Variants in PAGR1 observed in about 807,000 individuals in gnomAD.
PAGR1 encodes PAXIP1 associated glutamate rich protein 1, also known as PAXIP1-associated glutamate-rich protein 1.
In PAGR1, 20 loss-of-function variants were observed where a neutral mutation model predicts 22.4. That is an observed-to-expected ratio of 0.89 (90% CI 0.63 to 1.30). The LOEUF is 1.30. PAGR1 is among the 50% of genes most tolerant of loss of function. The probability of loss-of-function intolerance (pLI) is 0.00; values close to 1 mark genes in which losing one functional copy is unlikely to be tolerated. For synonymous variants in PAGR1, 161 were observed against 148.3 expected (o/e 1.09, Z -0.62); for missense variants, 338 against 343.6 (o/e 0.98, Z 0.13).
Position 29,816,229 on chromosome 16 carries a change from A to T in PAGR1, c.-297A>T. The T allele has an allele frequency of 5.0e-6, 2 of 401,068 alleles. No individual in the cohort carries two copies. The highest frequency in any genetic ancestry group is 4.4e-6 in the Non-Finnish European group (1 of 226,940). 24.8% of individuals were successfully genotyped at this position (401,068 alleles called of 1,614,324 possible). On this transcript the variant is annotated 5_prime_UTR_variant, in exon 1 of 3. Transcript: ENST00000320330. ...GAAGGCGCCGTGTCCGGGTGTGGAG[A>T]GGGGCGTCGTGGAAGCGAGAAGAGT...
chr16:29,820,015 AGAGAGT>A lies in PAGR1; in HGVS notation c.*263_*268del, dbSNP rs1333369891. 1 of 453,702 alleles carries A rather than the reference AGAGAGT, an allele frequency of 2.2e-6. No homozygotes were observed. The highest frequency in any genetic ancestry group is 2.0e-5 in the African/African-American group (1 of 50,454). The allele number at this position is 453,702 out of a possible 1,614,324, so 28.1% of individuals were successfully genotyped here. ...TGTTTTCTATTGAACATCTATATAG[AGAGAGT>A]GTGTGAGTGTGTGTTTTCTATTGAA... On this transcript the variant is annotated 3_prime_UTR_variant, in exon 3 of 3. Coordinates refer to ENST00000320330, the MANE Select transcript of PAGR1 (RefSeq NM_024516.4).
At chr16:29,819,301 C>T (rs1900312453) in intron 2 of PAGR1, 1 of 512,530 alleles carries the variant, frequency 2.0e-6, no homozygotes, top group South Asian at 2.5e-5. Flanking sequence ...TGTTCTTGTC[C>T]TGGGGCCTCT....
At chr16:29,819,358 T>C (rs1403220924) in intron 2 of PAGR1, 197 bp from the exon 3 acceptor site, 2 of 623,898 alleles carry the variant, frequency 3.2e-6, no homozygotes, top group Non-Finnish European at 5.7e-6. Context: ...GTTCTTCACA[T>C]TACCTGTGCC....
chr16:29,819,893 AAG>A lies in PAGR1; in HGVS notation c.*146_*147del. ...CAAACAGCACGTTGCGGGAAAGAGG[AAG>A]AGAGAGTGTGAGTGTGTGTGTGTGT... On this transcript the variant is annotated 3_prime_UTR_variant, in exon 3 of 3. Coordinates refer to ENST00000320330, the MANE Select transcript of PAGR1 (RefSeq NM_024516.4). 5 of 945,584 alleles carry A rather than the reference AAG, an allele frequency of 5.3e-6. No homozygotes were observed. Among genetic ancestry groups the A allele is most frequent in the South Asian group, 3.5e-5 (2 of 57,568 alleles). The allele number at this position is 945,584 out of a possible 1,614,324, so 58.6% of individuals were successfully genotyped here. A position where few individuals can be genotyped will look rare whatever the true frequency, so the allele number is the denominator to read the frequency against.
At position 29,821,688 on chromosome 16, in the gene PAGR1, G is replaced by T. The variant is rs1311483828; in HGVS notation, c.*1934G>T. On this transcript the variant is annotated 3_prime_UTR_variant, in exon 3 of 3. Transcript: ENST00000320330. Reference sequence around the variant, plus strand: ...ACAGTTATAGCCAGGTTGGACTTCCGGCTCCGTCCTTTGATAACTGTGTGC... The same window carrying T: ...ACAGTTATAGCCAGGTTGGACTTCCTGCTCCGTCCTTTGATAACTGTGTGC... 1.3e-5 allele frequency among the ~76,000 whole-genome samples: 2 copies of T among 152,192 alleles called. No homozygotes were observed. Among genetic ancestry groups the T allele is most frequent in the Non-Finnish European group, 2.9e-5 (2 of 68,018 alleles).
chr16:29,822,003 A>G lies in PAGR1; in HGVS notation c.*2249A>G, dbSNP rs534876639. Among the ~76,000 whole-genome samples the G allele has an allele frequency of 6.6e-6, 1 of 151,662 alleles. No individual in the cohort carries two copies. The highest frequency in any genetic ancestry group is 1.9e-4 in the East Asian group (1 of 5,148). ...TACTTTGGGAGGCCCGAATGGGAGG[A>G]TGGCTTGAGGCCAGGAGTTCCAGAC... On this transcript the variant is annotated 3_prime_UTR_variant, in exon 3 of 3. Transcript: ENST00000320330.
Position 29,816,765 on chromosome 16 carries a change from CGAG to C in PAGR1, c.246_248del (p.Glu82del), listed in dbSNP as rs1469709096. 1.9e-6 allele frequency: 3 copies of C among 1,588,402 alleles called. No homozygotes were observed. Among genetic ancestry groups the C allele is most frequent in the Non-Finnish European group, 1.7e-6 (2 of 1,168,106 alleles). ...CCAGCGCTGGGGGAGAAGAGCCTGC[CGAG>C]GAGGACTCCGAGGACTGGTGCGTGC... On this transcript the variant is annotated inframe_deletion, in exon 1 of 3. Coordinates refer to ENST00000320330, the MANE Select transcript of PAGR1 (RefSeq NM_024516.4).
rs1381199282 is a variant in PAGR1 at position 29,821,670 on chromosome 16, T to C, written c.*1916T>C. Reference sequence around the variant, plus strand: ...TCCTAGTTTGTGGTCTCTACAGTTATAGCCAGGTTGGACTTCCGGCTCCGT... The same window carrying C: ...TCCTAGTTTGTGGTCTCTACAGTTACAGCCAGGTTGGACTTCCGGCTCCGT... On this transcript the variant is annotated 3_prime_UTR_variant, in exon 3 of 3. Transcript: ENST00000320330. 6.6e-6 allele frequency among the ~76,000 whole-genome samples: 1 copy of C among 152,230 alleles called. No individual in the cohort carries two copies. The highest frequency in any genetic ancestry group is 1.5e-5 in the Non-Finnish European group (1 of 68,026).
chr16:29,817,089 T>G (rs1900266713), intron 1 of PAGR1, 82 bp downstream of exon 1: 2 of 1,567,262 alleles, frequency 1.3e-6, no homozygotes, highest in African/African-American at 2.7e-5. Flanking sequence ...TGTGGGACGC[T>G]GGAACCTTTG....
intron 2 of PAGR1, 152 bp from the exon 3 acceptor site, chr16:29,819,399 CCTCT>C: frequency 1.4e-6 from 1 of 705,062 alleles, no homozygotes; most frequent in Non-Finnish European, 2.5e-6. Context: ...TGCTTCTCAC[CCTCT>C]CTGAGGTCCA....
chr16:29,816,736 GT>G lies in PAGR1; in HGVS notation c.212del (p.Val71AlafsTer105), dbSNP rs777577339. On this transcript the variant is annotated frameshift_variant, in exon 1 of 3. Transcript: ENST00000320330. LOFTEE classifies it high-confidence loss of function. ...CGGGGGCGAGGAGGCGCAGGGAGAA[GT>G]CCCCAGCGCTGGGGGAGAAGAGCCT... is the stretch of plus-strand genomic sequence containing the variant. ...GSGGEEAQGE[V>X]PSAGGEEPAE... The G allele has an allele frequency of 6.2e-7, 1 of 1,602,660 alleles. No homozygotes were observed. Among genetic ancestry groups the G allele is most frequent in the East Asian group, 2.2e-5 (1 of 44,504 alleles).
intron 1 of PAGR1, 37 bp downstream of exon 1, chr16:29,817,044 TC>T (rs1900265476): frequency 1.3e-6 from 2 of 1,553,784 alleles, no homozygotes; most frequent in African/African-American, 2.7e-5. Flanking sequence ...CCGGGGCTGC[TC>T]CCCTGATGGC....
In PAGR1 at chr16:29,819,716, T is replaced by C; in HGVS notation, c.727T>C (p.Ser243Pro). ...CCCCGCCAGCCCCCCACTCCGATCCTCCGGGAGTAGTCTCTTCCCTCGGCA... is the reference window on the plus strand; with the variant it reads ...CCCCGCCAGCCCCCCACTCCGATCCCCCGGGAGTAGTCTCTTCCCTCGGCA... ...PSPASPPLRS[S>P]GSSLFPRQRK... The change falls in exon 3 of 3, where the codon TCC becomes CCC. Residue 243 changes from serine to proline, a missense_variant. Physicochemically the swap from Ser to Pro is moderately conservative, Grantham distance 74. This residue lies in a region of PAGR1 where 52 missense variants were observed against 44.5 expected (regional missense o/e 1.17). Transcript: ENST00000320330. 6.2e-7 allele frequency: 1 copy of C among 1,613,422 alleles called. No individual in the cohort carries two copies. The highest frequency in any genetic ancestry group is 1.1e-5 in the South Asian group (1 of 91,056).
chr16:29,817,439 T>TTTATGAC, intron 2 of PAGR1, 147 bp downstream of exon 2: 1 of 676,826 alleles, frequency 1.5e-6, no homozygotes, highest in Admixed American at 2.7e-5. Flanking sequence ...TAGCACCATC[T>TTTATGAC]TTATGACTTA....
At chr16:29,817,724 A>T (rs955116232) in intron 2 of PAGR1, among the ~76,000 whole-genome samples, 1 of 151,962 alleles carries the variant, frequency 6.6e-6, no homozygotes, top group African/African-American at 2.4e-5. Context: ...CGCCCACCTC[A>T]GCCTCCCAAA....
In PAGR1 at chr16:29,822,460, G is replaced by A. The variant is rs2067370226; in HGVS notation, c.*2706G>A. The A allele has an allele frequency of 1.3e-5, 2 of 152,150 alleles. No individual in the cohort carries two copies. Among genetic ancestry groups the A allele is most frequent in the South Asian group, 2.1e-4 (1 of 4,828 alleles). 9.4% of individuals were successfully genotyped at this position (152,150 alleles called of 1,614,324 possible). A position where few individuals can be genotyped will look rare whatever the true frequency, so the allele number is the denominator to read the frequency against. ...CATGTGACCCATTCTCTAAAGACTA[G>A]AATATTTAACTTAAATCAGTGAGAA... On this transcript the variant is annotated 3_prime_UTR_variant, in exon 3 of 3. Coordinates refer to ENST00000320330, the MANE Select transcript of PAGR1 (RefSeq NM_024516.4).
rs192974582 is a variant in PAGR1 at position 29,816,266 on chromosome 16, C to T, written c.-260C>T. 1.4e-3 allele frequency: 594 copies of T among 412,640 alleles called. No homozygotes were observed. The highest frequency in any genetic ancestry group is 0.011 in the African/African-American group (532 of 48,894). The allele number at this position is 412,640 out of a possible 1,614,324, so 25.6% of individuals were successfully genotyped here. A position where few individuals can be genotyped will look rare whatever the true frequency, so the allele number is the denominator to read the frequency against. On this transcript the variant is annotated 5_prime_UTR_variant, in exon 1 of 3. Transcript: ENST00000320330. Reference sequence around the variant, plus strand: ...GAAGCGAGAAGAGTGGCCCGTCCCTCTCCTCCCCCTTTCCCTCTTTCGGAA... The same window carrying T: ...GAAGCGAGAAGAGTGGCCCGTCCCTTTCCTCCCCCTTTCCCTCTTTCGGAA...
rs1280764931 is a variant in PAGR1, at chr16:29,822,131, A to T, written c.*2377A>T. Among the ~76,000 whole-genome samples the T allele has an allele frequency of 6.7e-6, 1 of 149,086 alleles. No individual in the cohort carries two copies. Among genetic ancestry groups the T allele is most frequent in the African/African-American group, 2.5e-5 (1 of 40,592 alleles). On this transcript the variant is annotated 3_prime_UTR_variant, in exon 3 of 3. Coordinates refer to ENST00000320330, the MANE Select transcript of PAGR1 (RefSeq NM_024516.4). ...AGAATTATAGCTCAGTCCTATGATT[A>T]GGCAAGTTGAGAAAATATTGATGAA...
chr16:29,817,055 C>CG (rs1760030964), intron 1 of PAGR1, 48 bp downstream of exon 1: 1 of 1,552,152 alleles, frequency 6.4e-7, no homozygotes, highest in Admixed American at 1.9e-5. Context: ...CCCCTGATGG[C>CG]GGGAGGAAAT....
Sources: gnomAD v4.1 joint callset for allele counts (sites outside exome capture counted in the v4.1 genomes callset) on GRCh38, gnomAD v4.1.1 for gene constraint, gnomAD v4.1.1 regional missense constraint, MANE v1.5 for transcripts, NCBI Gene and HGNC (gene_info 2026-07-23, HGNC 2026-07-21) for gene names.